Variants in FRK observed in about 807,000 individuals in gnomAD.
The protein encoded by FRK is fyn related Src family tyrosine kinase.
A neutral mutation model predicts 56.4 loss-of-function variants in FRK; 51 were observed. The observed-to-expected ratio is 0.90, with a 90% CI of 0.72 to 1.14. The LOEUF (loss-of-function observed/expected upper bound fraction) is 1.14. Ranked by LOEUF, FRK falls within the 50% of genes most tolerant of loss-of-function variation. The pLI is 0.00. For synonymous variants in FRK, 245 were observed against 217.9 expected, an observed-to-expected ratio of 1.12 and a Z score of -1.10; for missense variants, 570 against 601.4, an observed-to-expected ratio of 0.95 and a Z score of 0.55.
At chr6:116,067,453 C>T in the FRK span, among the ~76,000 whole-genome samples, 5 of 151,922 alleles carry the variant, frequency 3.3e-5, no homozygotes, top group Admixed American at 2.6e-4. Context: ...TATTTATTTG[C>T]CTACTGAGTA....
chr6:116,024,761 AGT>A (rs1164081080), intron 1 of FRK, among the ~76,000 whole-genome samples: 1 of 152,156 alleles, frequency 6.6e-6, no homozygotes, highest in African/African-American at 2.4e-5. Context: ...CATGATTTAT[AGT>A]CCTTTGGGTA....
chr6:115,948,087 G>A (rs1231690997), intron 5 of FRK, among the ~76,000 whole-genome samples: 6 of 152,152 alleles, frequency 3.9e-5, no homozygotes, highest in Non-Finnish European at 7.4e-5. Flanking sequence ...TAAATTATAA[G>A]AGGCTGTGAC....
the FRK span, among the ~76,000 whole-genome samples, chr6:116,078,275 T>C: frequency 1.3e-5 from 2 of 151,212 alleles, no homozygotes; most frequent in African/African-American, 4.9e-5. Context: ...TTGTTAGAGG[T>C]GTTTAACTTG....
chr6:115,950,384 T>G (rs926583739), intron 5 of FRK, among the ~76,000 whole-genome samples: 2 of 152,122 alleles, frequency 1.3e-5, no homozygotes, highest in African/African-American at 4.8e-5. Context: ...CAGACACTTT[T>G]CAAAAGAAGA....
intron 1 of FRK, among the ~76,000 whole-genome samples, chr6:116,008,872 G>T (rs1337322548): frequency 6.6e-6 from 1 of 152,134 alleles, no homozygotes; most frequent in Non-Finnish European, 1.5e-5. Flanking sequence ...CTCCAAGTGT[G>T]GTCCCTAGAT....
chr6:116,087,311 T>C, the FRK span, among the ~76,000 whole-genome samples: 2 of 152,138 alleles, frequency 1.3e-5, no homozygotes, highest in Non-Finnish European at 2.9e-5. Context: ...TTACTAGCAT[T>C]TAAAAAGAAA....
chr6:116,004,896 G>T (rs1775195401), intron 1 of FRK, among the ~76,000 whole-genome samples: 1 of 152,010 alleles, frequency 6.6e-6, no homozygotes, highest in African/African-American at 2.4e-5. Flanking sequence ...CATCATTAAA[G>T]ATTTTAGGTA....
At chr6:116,032,082 T>C (rs1257900257) in intron 1 of FRK, among the ~76,000 whole-genome samples, 1 of 152,092 alleles carries the variant, frequency 6.6e-6, no homozygotes, top group Non-Finnish European at 1.5e-5. Context: ...TCCCTCATTG[T>C]ATTCTAAGGC....
intron 1 of FRK, among the ~76,000 whole-genome samples, chr6:116,024,842 CT>C (rs1776025564): frequency 6.6e-6 from 1 of 152,174 alleles, no homozygotes; most frequent in Admixed American, 6.5e-5. Context: ...AATCACCACA[CT>C]GACTTCCACA....
At position 116,013,272 on chromosome 6, in the gene FRK, G is replaced by T. The variant is rs147636326; in HGVS notation, c.345-9274C>A. Among the ~76,000 whole-genome samples the T allele has an allele frequency of 2.5e-3, 386 of 152,170 alleles. 2 individuals carry two copies. The highest frequency in any genetic ancestry group is 8.9e-3 in the African/African-American group (368 of 41,540). On this transcript the variant is annotated intron_variant, in intron 1 of 7. Coordinates refer to ENST00000606080, the MANE Select transcript of FRK (RefSeq NM_002031.3). ...CAATTCCTCACAAGAAGTTTACAAA[G>T]AATACAACAAAGTTCATATAAATAT...
chr6:116,039,100 T>C, intron 1 of FRK: 1 of 804,142 alleles, frequency 1.2e-6, no homozygotes, highest in South Asian at 1.3e-5. Context: ...TGGCCCATGC[T>C]CTGGCAAAGG....
chr6:116,080,049 CT>C, the FRK span, among the ~76,000 whole-genome samples: 21 of 151,976 alleles, frequency 1.4e-4, no homozygotes, highest in Admixed American at 2.6e-4. Context: ...TGAATATGTA[CT>C]TTTTTTATAA....
At chr6:116,097,732 T>G in the FRK span, among the ~76,000 whole-genome samples, 1 of 152,080 alleles carries the variant, frequency 6.6e-6, no homozygotes. Flanking sequence ...AACTCATAAG[T>G]ATAAGAAAAA....
upstream of FRK, among the ~76,000 whole-genome samples, chr6:116,062,723 G>A (rs1333567288): frequency 2.0e-5 from 3 of 152,128 alleles, no homozygotes; most frequent in South Asian, 4.2e-4. Flanking sequence ...GCCTGAGAAC[G>A]CAGAGCTGAG....
intron 1 of FRK, among the ~76,000 whole-genome samples, chr6:116,050,022 T>C (rs1345049741): frequency 6.6e-6 from 1 of 152,194 alleles, no homozygotes; most frequent in Non-Finnish European, 1.5e-5. Flanking sequence ...GTTTTTTACA[T>C]GCACACTACA....
chr6:115,995,592 G>A (rs905652812), intron 2 of FRK, among the ~76,000 whole-genome samples: 1 of 151,896 alleles, frequency 6.6e-6, no homozygotes, highest in Non-Finnish European at 1.5e-5. Flanking sequence ...GGGGTTCACA[G>A]ACAAACAAAA....
intron 1 of FRK, among the ~76,000 whole-genome samples, chr6:116,048,409 A>G (rs1777057574): frequency 6.6e-6 from 1 of 152,214 alleles, no homozygotes; most frequent in African/African-American, 2.4e-5. Flanking sequence ...GTTTTGAGAC[A>G]GGGTCTTGCC....
At chr6:116,004,094 GT>G in intron 1 of FRK, 96 bp from the exon 2 acceptor site, 1 of 1,109,162 alleles carries the variant, frequency 9.0e-7, no homozygotes, top group Non-Finnish European at 1.3e-6. Context: ...TATCAAAAAT[GT>G]TTGGTATTCT....
At chr6:115,975,340 A>ATT (rs1773953302) in intron 2 of FRK, among the ~76,000 whole-genome samples, 1 of 152,198 alleles carries the variant, frequency 6.6e-6, no homozygotes, top group Admixed American at 6.6e-5. Flanking sequence ...TTTAAAAATA[A>ATT]GACAACAAAA....
Sources: allele counts gnomAD v4.1 joint callset (sites outside exome capture counted in the v4.1 genomes callset), GRCh38; gene constraint gnomAD v4.1.1; transcripts MANE v1.5; gene names NCBI Gene and HGNC (gene_info 2026-07-23, HGNC 2026-07-21).